PDE10A: variants seen among roughly 807,000 people sequenced by gnomAD.
PDE10A encodes the protein cAMP and cAMP-inhibited cGMP 3',5'-cyclic phosphodiesterase 10A.
Under a neutral mutation model 97.7 loss-of-function variants are expected in PDE10A, and 39 were observed. The ratio of observed to expected loss-of-function variants is 0.40; its 90% CI spans 0.31 to 0.52. The LOEUF (loss-of-function observed/expected upper bound fraction) is 0.52, where lower values mean the gene tolerates loss of function less well. Among genes scored for constraint, PDE10A ranks in the 20% least tolerant of loss-of-function variants. PDE10A has a pLI of 0.56. For synonymous variants in PDE10A, 371 were observed against 376.8 expected (o/e 0.98, Z 0.18); for missense variants, 731 against 1,047.8 (o/e 0.70, Z 4.17).
At chr6:165,577,606 C>T (rs1562596554) in intron 1 of PDE10A, among the ~76,000 whole-genome samples, 1 of 152,144 alleles carries the variant, frequency 6.6e-6, no homozygotes, top group Non-Finnish European at 1.5e-5. Context: ...ACCTGAGGCA[C>T]TCGTTCACCC....
At chr6:165,379,400 A>G in intron 17 of PDE10A, 34 bp from the exon 18 acceptor site, 1 of 1,505,354 alleles carries the variant, frequency 6.6e-7, no homozygotes, top group Non-Finnish European at 9.2e-7. Flanking sequence ...ACCACCAATA[A>G]CAAGCACAAG....
intron 1 of PDE10A, among the ~76,000 whole-genome samples, chr6:165,823,319 C>T (rs1360393380): frequency 6.7e-6 from 1 of 150,002 alleles, no homozygotes; most frequent in East Asian, 2.0e-4. Context: ...ACACACACAG[C>T]CTAGGCCTAC....
chr6:165,749,202 CCATCAT>C (rs1242246208), intron 1 of PDE10A, among the ~76,000 whole-genome samples: 25 of 71,290 alleles, frequency 3.5e-4, no homozygotes, highest in Non-Finnish European at 7.2e-4. Context: ...ATCACCATCA[CCATCAT>C]CACCATCACC....
chr6:165,460,613 G>A (rs560674765), intron 3 of PDE10A, among the ~76,000 whole-genome samples: 71 of 152,226 alleles, frequency 4.7e-4, no homozygotes, highest in African/African-American at 1.6e-3. Context: ...AATTCAACCC[G>A]CTCAATTTAA....
intron 1 of PDE10A, among the ~76,000 whole-genome samples, chr6:165,680,433 T>C (rs1230421302): frequency 6.6e-6 from 1 of 152,244 alleles, no homozygotes; most frequent in African/African-American, 2.4e-5. Context: ...GTACTTTCTC[T>C]GCAGGTAAGC....
At chr6:165,363,848 G>C (rs1029436302) in intron 18 of PDE10A, among the ~76,000 whole-genome samples, 19 of 152,022 alleles carry the variant, frequency 1.2e-4, no homozygotes, top group African/African-American at 4.6e-4. Context: ...TTGAAAACTA[G>C]AAAACATGGT....
intron 1 of PDE10A, among the ~76,000 whole-genome samples, chr6:165,875,404 T>G (rs1018795945): frequency 1.3e-5 from 2 of 152,228 alleles, no homozygotes; most frequent in African/African-American, 4.8e-5. Context: ...ACCGTAGGTG[T>G]GCAATAGTTT....
intron 18 of PDE10A, among the ~76,000 whole-genome samples, chr6:165,373,054 C>T (rs556751346): frequency 7.6e-4 from 113 of 148,668 alleles, no homozygotes; most frequent in African/African-American, 2.4e-3. Context: ...GGATCCCTTC[C>T]TTACACCTTA....
chr6:165,361,728 A>G (rs1783440721), intron 18 of PDE10A, among the ~76,000 whole-genome samples: 1 of 152,204 alleles, frequency 6.6e-6, no homozygotes, highest in African/African-American at 2.4e-5. Flanking sequence ...ATAGACTACA[A>G]ATGCCTGAAG....
At chr6:165,385,376 A>G (rs1277499100) in intron 17 of PDE10A, among the ~76,000 whole-genome samples, 1 of 152,112 alleles carries the variant, frequency 6.6e-6, no homozygotes, top group Admixed American at 6.5e-5. Flanking sequence ...CAGAAGTCCT[A>G]TTGAGCACTA....
intron 1 of PDE10A, among the ~76,000 whole-genome samples, chr6:165,841,426 T>C (rs1780256310): frequency 1.3e-5 from 2 of 152,202 alleles, no homozygotes; most frequent in Admixed American, 6.5e-5. Context: ...GATGTTGCAG[T>C]TGGGGCCAGC....
chr6:165,637,552 T>A (rs944369803), intron 1 of PDE10A, among the ~76,000 whole-genome samples: 2 of 152,202 alleles, frequency 1.3e-5, no homozygotes. Flanking sequence ...ATTCATTCCA[T>A]ACATTCTGGA....
chr6:165,347,789 G>A (rs1782415181), intron 18 of PDE10A, among the ~76,000 whole-genome samples: 1 of 152,166 alleles, frequency 6.6e-6, no homozygotes, highest in African/African-American at 2.4e-5. Context: ...AGCAGGTAAA[G>A]GCTGGAGGCT....
chr6:165,898,490 C>G (rs888393750), intron 1 of PDE10A, among the ~76,000 whole-genome samples: 1 of 152,140 alleles, frequency 6.6e-6, no homozygotes, highest in Non-Finnish European at 1.5e-5. Flanking sequence ...GATTGGGGAT[C>G]TCTTCCTCGT....
At position 165,482,113 on chromosome 6, in the gene PDE10A, G is replaced by A. The variant is rs533592116; in HGVS notation, c.1023+202C>T. Among the ~76,000 whole-genome samples, 4 of 152,204 alleles carry A rather than the reference G, an allele frequency of 2.6e-5. No homozygotes were observed. The East Asian group carries it at 7.7e-4, about 29-fold the overall frequency. On this transcript the variant is annotated intron_variant, in intron 3 of 21. Transcript: ENST00000539869. ...ACGTGCAGCCGAACAAAATGCATCT[G>A]TGTGCCGTACTCAGTCTTGAGGCCT...
chr6:165,542,538 T>G (rs1783500063), intron 2 of PDE10A, among the ~76,000 whole-genome samples: 1 of 150,494 alleles, frequency 6.6e-6, no homozygotes, highest in Non-Finnish European at 1.5e-5. Flanking sequence ...TGCCAGGATC[T>G]CAAAAGTTAA....
intron 1 of PDE10A, among the ~76,000 whole-genome samples, chr6:165,914,332 C>CAG (rs1246941632): frequency 6.6e-6 from 1 of 152,196 alleles, no homozygotes; most frequent in Admixed American, 6.5e-5. Context: ...CCAAGACTTA[C>CAG]AGGGTTAATG....
intron 1 of PDE10A, among the ~76,000 whole-genome samples, chr6:165,648,777 C>T (rs999293135): frequency 3.9e-5 from 6 of 152,216 alleles, no homozygotes; most frequent in South Asian, 2.1e-4. Flanking sequence ...AAACTCTGCA[C>T]GCACAGTCAG....
chr6:165,738,568 G>A (rs1475352775), intron 1 of PDE10A, among the ~76,000 whole-genome samples: 3 of 151,872 alleles, frequency 2.0e-5, no homozygotes, highest in Non-Finnish European at 4.4e-5. Context: ...TCTAGTTCTA[G>A]ATCCCTGAGG....
Sources: allele counts gnomAD v4.1 joint callset (sites outside exome capture counted in the v4.1 genomes callset), GRCh38; gene constraint gnomAD v4.1.1; transcripts MANE v1.5; gene names NCBI Gene and HGNC (gene_info 2026-07-23, HGNC 2026-07-21).